TNKS1BP1: variants seen among roughly 807,000 people sequenced by gnomAD.
TNKS1BP1 encodes the protein CCR4-NOT transcription complex subunit 12.
TNKS1BP1 carries 48 observed loss-of-function variants against 141.1 expected under a neutral mutation model. That is an observed-to-expected ratio of 0.34 (90% CI 0.27 to 0.43). The LOEUF is 0.43. TNKS1BP1 is among the 20% of genes least tolerant of loss of function. The pLI is 1.00. For missense variants in TNKS1BP1, 2,149 were observed against 2,226.0 expected (o/e 0.97, Z 0.70); for synonymous variants, 875 against 898.2 (o/e 0.97, Z 0.46).
At chr11:57,316,602 T>C (rs772766371) in intron 4 of TNKS1BP1, among the ~76,000 whole-genome samples, 8 of 152,196 alleles carry the variant, frequency 5.3e-5, no homozygotes, top group Non-Finnish European at 1.2e-4. Flanking sequence ...GGGGTCACCC[T>C]TGATTCTGTG....
Position 57,310,079 on chromosome 11 carries a change from T to C in TNKS1BP1, c.2632A>G (p.Ser878Gly). The change falls in exon 6 of 12, where the codon AGT (serine) becomes GGT (glycine). Residue 878 changes from serine (S) to glycine (G), a missense_variant. Transcript: ENST00000358252. Reference sequence around the variant, plus strand: ...CAGTCCCCAAGGCTTACATCTCGACTACTGTAGGTACCCAGTGAATCTCTC... The same window carrying C: ...CAGTCCCCAAGGCTTACATCTCGACCACTGTAGGTACCCAGTGAATCTCTC... ...GKRDSLGTYS[S>G]RDVSLGDWEF... 1.2e-6 allele frequency: 2 copies of C among 1,614,218 alleles called. No individual in the cohort carries two copies. The highest frequency in any genetic ancestry group is 8.5e-7 in the Non-Finnish European group (1 of 1,180,034).
At position 57,309,302 on chromosome 11, in the gene TNKS1BP1, A is replaced by G; in HGVS notation, c.3409T>C (p.Phe1137Leu). 6.2e-7 allele frequency: 1 copy of G among 1,614,164 alleles called. No homozygotes were observed. The highest frequency in any genetic ancestry group is 1.1e-5 in the South Asian group (1 of 91,086). ...IGNDRVSGAG[F>L]SPSSKMEGGH... is the part of the protein sequence containing the mutation. ...CCTTCCATCTTGCTAGAAGGGCTAA[A>G]GCCAGCACCACTCACTCTGTCGTTG... Residue 1137 changes from phenylalanine to leucine, a missense_variant, in exon 6 of 12, where the codon TTT becomes CTT. Physicochemically the swap from Phe to Leu is conservative, Grantham distance 22. Coordinates refer to ENST00000358252, the MANE Select transcript of TNKS1BP1 (RefSeq NM_033396.3). The surrounding 1 kb of genome is among the most constrained non-coding windows in gnomAD (Gnocchi z 4.3).
rs143476869 is a variant in TNKS1BP1, at chr11:57,313,139, C to T, written c.1549G>A (p.Val517Ile). The T allele has an allele frequency of 3.3e-5, 54 of 1,613,158 alleles. No homozygotes were observed. The highest frequency in any genetic ancestry group is 1.6e-4 in the African/African-American group (12 of 75,072). The change falls in exon 5 of 12, where the codon GTT becomes ATT. Residue 517 changes from valine to isoleucine, a missense_variant. Coordinates refer to ENST00000358252, the MANE Select transcript of TNKS1BP1 (RefSeq NM_033396.3). ...AEAAEAGNLA[V>I]SSREEGVSQQ... ...GACACTCCTTCTTCCCTGCTGGAAA[C>T]GGCCAAGTTGCCAGCCTCAGCAGCC...
In TNKS1BP1 at chr11:57,309,976, C is replaced by G; in HGVS notation, c.2735G>C (p.Arg912Thr). 1 of 1,614,054 alleles carries G rather than the reference C, an allele frequency of 6.2e-7. No homozygotes were observed. The highest frequency in any genetic ancestry group is 1.3e-5 in the African/African-American group (1 of 75,036). Residue 912 changes from arginine to threonine, a missense_variant, in exon 6 of 12, where the codon AGG becomes ACG. Transcript: ENST00000358252. This position sits in a 1 kb window ranked among gnomAD's most constrained non-coding sequence, Gnocchi z 4.3. ...ANEQGQDLGKRDHHGRYSSQD... is the reference protein window; with the variant it reads ...ANEQGQDLGKTDHHGRYSSQD... ...GCTGCTGTACCTACCATGGTGGTCC[C>G]TCTTCCCCAAATCTTGGCCCTGCTC...
chr11:57,302,889 A>G lies in TNKS1BP1; in HGVS notation c.4317-64T>C, dbSNP rs1413337114. ...GCCCCATCTCCCTGCCCTGAAGCCT[A>G]CTTCACAAGCTCCTTCCCCCAGCCC... On this transcript the variant is annotated intron_variant, in intron 6 of 11. Transcript: ENST00000358252. The surrounding 1 kb of genome is among the most constrained non-coding windows in gnomAD (Gnocchi z 5.5). 2.1e-6 allele frequency: 3 copies of G among 1,435,284 alleles called. No individual in the cohort carries two copies. Among genetic ancestry groups the G allele is most frequent in the Admixed American group, 2.7e-5 (1 of 36,808 alleles). 88.9% of individuals were successfully genotyped at this position (1,435,284 alleles called of 1,614,324 possible). A position where few individuals can be genotyped will look rare whatever the true frequency, so the allele number is the denominator to read the frequency against.
At chr11:57,305,415 G>C (rs12807593) in intron 6 of TNKS1BP1, among the ~76,000 whole-genome samples, 5,401 of 150,382 alleles carry the variant, frequency 0.036, 147 homozygotes, top group Non-Finnish European at 0.048. Context: ...TCATCTTGTC[G>C]CATCTACACC....
In TNKS1BP1 at chr11:57,313,169, C is replaced by T. The variant is rs752688218; in HGVS notation, c.1519G>A (p.Ala507Thr). 1.9e-5 allele frequency: 30 copies of T among 1,612,714 alleles called. No individual in the cohort carries two copies. The highest frequency in any genetic ancestry group is 6.6e-5 in the South Asian group (6 of 91,092). The change falls in exon 5 of 12, where the codon GCC becomes ACC. Residue 507 changes from alanine (A) to threonine (T), a missense_variant. Ala to Thr is a moderately conservative substitution (Grantham distance 58). Coordinates refer to ENST00000358252, the MANE Select transcript of TNKS1BP1 (RefSeq NM_033396.3). ...PSPITEASEA[A>T]EAAEAGNLAV... ...AAGTTGCCAGCCTCAGCAGCCTCGG[C>T]GGCCTCACTGGCTTCAGTGATGGGG...
chr11:57,316,956 C>A (rs534291142), intron 4 of TNKS1BP1, among the ~76,000 whole-genome samples: 2 of 152,348 alleles, frequency 1.3e-5, no homozygotes, highest in African/African-American at 4.8e-5. Flanking sequence ...TTGGTCCTCA[C>A]TACCACCTAA....
Position 57,320,554 on chromosome 11 carries a change from C to T in TNKS1BP1, c.253G>A (p.Ala85Thr). The change falls in exon 3 of 12, where the codon GCA becomes ACA. Residue 85 changes from alanine to threonine, a missense_variant. Coordinates refer to ENST00000358252, the MANE Select transcript of TNKS1BP1 (RefSeq NM_033396.3). The part of the protein sequence containing the change: ...LPSARKMNML[A>T]GPQPYGGSKR... ...CTGCCACCATAGGGCTGGGGTCCTG[C>T]CAGCATGTTCATCTTCCTGGCAGAA... is the stretch of plus-strand genomic sequence containing the variant. The T allele has an allele frequency of 6.2e-7, 1 of 1,614,098 alleles. No homozygotes were observed. The highest frequency in any genetic ancestry group is 8.5e-7 in the Non-Finnish European group (1 of 1,179,992).
Position 57,313,541 on chromosome 11 carries a change from G to A in TNKS1BP1, c.1147C>T (p.Pro383Ser). Residue 383 changes from proline (P) to serine (S), a missense_variant, in exon 5 of 12, where the codon CCC (proline) becomes TCC (serine). Coordinates refer to ENST00000358252, the MANE Select transcript of TNKS1BP1 (RefSeq NM_033396.3). ...AGGGGCCGGGGTGAGGTGGCAGGGGGCTGATCCAGGCTATGGGGCTCCAAG... is the reference window on the plus strand; with the variant it reads ...AGGGGCCGGGGTGAGGTGGCAGGGGACTGATCCAGGCTATGGGGCTCCAAG... The part of the protein sequence containing the change: ...EVLEPHSLDQ[P>S]PATSPRPLIE... 3 of 1,573,060 alleles carry A rather than the reference G, an allele frequency of 1.9e-6. No individual in the cohort carries two copies. The highest frequency in any genetic ancestry group is 2.6e-6 in the Non-Finnish European group (3 of 1,159,324).
chr11:57,310,763 G>C (rs1855694438), intron 5 of TNKS1BP1, among the ~76,000 whole-genome samples: 1 of 152,170 alleles, frequency 6.6e-6, no homozygotes, highest in Non-Finnish European at 1.5e-5. Context: ...CATGGGGCTG[G>C]TGTGAGAGGA....
intron 1 of TNKS1BP1, 52 bp downstream of exon 1, chr11:57,324,788 C>T: frequency 1.0e-6 from 1 of 985,478 alleles, no homozygotes; most frequent in South Asian, 4.5e-5. Flanking sequence ...CCCTCCCCCG[C>T]CCCATCCCGG....
In TNKS1BP1 at chr11:57,312,916, T is replaced by A. The variant is rs1253682757; in HGVS notation, c.1772A>T (p.Glu591Val). The change falls in exon 5 of 12, where the codon GAG (glutamate) becomes GTG (valine). Residue 591 changes from glutamate (E) to valine (V), a missense_variant. By Grantham distance (121) the Glu-to-Val change is moderately radical (BLOSUM62 -2). Transcript: ENST00000358252. ...LPLQQAEERY[E>V]SQEPLAGQES... ...CTGTCCAGCCAAGGGCTCCTGCGAC[T>A]CGTATCTCTCCTCTGCCTGCTGCAA... 6.2e-7 allele frequency: 1 copy of A among 1,611,680 alleles called. No individual in the cohort carries two copies. Among genetic ancestry groups the A allele is most frequent in the South Asian group, 1.1e-5 (1 of 90,870 alleles).
chr11:57,310,901 G>A (rs1190759328), intron 5 of TNKS1BP1, among the ~76,000 whole-genome samples: 1 of 152,186 alleles, frequency 6.6e-6, no homozygotes, highest in East Asian at 1.9e-4. Flanking sequence ...GAGAGGAGTG[G>A]TCTTCACACA....
Position 57,302,557 on chromosome 11 carries a change from C to T in TNKS1BP1, c.4585G>A (p.Ala1529Thr), listed in dbSNP as rs767365752. The T allele has an allele frequency of 1.1e-5, 17 of 1,613,208 alleles. No individual in the cohort carries two copies. The highest frequency in any genetic ancestry group is 1.1e-5 in the Non-Finnish European group (13 of 1,179,896). Residue 1529 changes from alanine to threonine, a missense_variant, in exon 7 of 12, where the codon GCA becomes ACA. Ala to Thr is a moderately conservative substitution (Grantham distance 58). Transcript: ENST00000358252. This position sits in a 1 kb window ranked among gnomAD's most constrained non-coding sequence, Gnocchi z 5.5. ...GGCCCCTGATCGCTCCACCTGGCTG[C>T]TGAAGAGCCCCAGGTGCCATCCACG... ...EDVDGTWGSS[A>T]ARWSDQGPAQ...
chr11:57,300,762 G>C, intron 10 of TNKS1BP1, 122 bp downstream of exon 10: 1 of 1,494,928 alleles, frequency 6.7e-7, no homozygotes, highest in Non-Finnish European at 9.1e-7. Flanking sequence ...CGTTCATCTG[G>C]GGCATGTCCG....
At position 57,312,547 on chromosome 11, in the gene TNKS1BP1, C is replaced by G; in HGVS notation, c.2141G>C (p.Ser714Thr). ...GAELKDTQSP[S>T]TCSEGLLGWS... ...GCCCATTCTCACCTCAGAGCAGGTACTTGGGGACTGTGTGTCCTTCAGCTC... is the reference window on the plus strand; with the variant it reads ...GCCCATTCTCACCTCAGAGCAGGTAGTTGGGGACTGTGTGTCCTTCAGCTC... The change falls in exon 5 of 12, where the codon AGT becomes ACT. Residue 714 changes from serine to threonine, a missense_variant. Physicochemically the swap from Ser to Thr is moderately conservative, Grantham distance 58. Coordinates refer to ENST00000358252, the MANE Select transcript of TNKS1BP1 (RefSeq NM_033396.3). 1 of 1,497,976 alleles carries G rather than the reference C, an allele frequency of 6.7e-7. No homozygotes were observed. The highest frequency in any genetic ancestry group is 8.9e-7 in the Non-Finnish European group (1 of 1,122,676). The allele number at this position is 1,497,976 out of a possible 1,614,324, so 92.8% of individuals were successfully genotyped here.
In TNKS1BP1 at chr11:57,322,344, A is replaced by G. The variant is rs1389601583; in HGVS notation, c.-65-394T>C. 9 of 986,410 alleles carry G rather than the reference A, an allele frequency of 9.1e-6. No individual in the cohort carries two copies. In the African/African-American group the frequency reaches 1.6e-4, roughly 17 times the overall value. 61.1% of individuals were successfully genotyped at this position (986,410 alleles called of 1,614,324 possible). On this transcript the variant is annotated intron_variant, in intron 1 of 11. Coordinates refer to ENST00000358252, the MANE Select transcript of TNKS1BP1 (RefSeq NM_033396.3). ...GTCTGTCTGTGAATCACCTCACGGG[A>G]GACGGGAAAAACCCGCTCCTCCCCA...
intron 5 of TNKS1BP1, among the ~76,000 whole-genome samples, chr11:57,310,881 T>C (rs1407827414): frequency 6.6e-6 from 1 of 152,232 alleles, no homozygotes; most frequent in Admixed American, 6.5e-5. Flanking sequence ...AATACTTGGC[T>C]AACAGCCAGG....
Sources: allele counts gnomAD v4.1 joint callset (sites outside exome capture counted in the v4.1 genomes callset), GRCh38; gene constraint gnomAD v4.1.1; non-coding constraint Gnocchi (gnomAD v3.1); transcripts MANE v1.5; gene names NCBI Gene and HGNC (gene_info 2026-07-23, HGNC 2026-07-21).